Variants in ZNF425 observed in about 807,000 individuals in gnomAD.
ZNF425 encodes the protein zinc finger protein 425.
A neutral mutation model predicts 17.0 loss-of-function variants in ZNF425; 21 were observed. The ratio of observed to expected loss-of-function variants is 1.23; its 90% CI spans 0.88 to 1.78. The LOEUF (loss-of-function observed/expected upper bound fraction) is 1.78. Among genes scored for constraint, ZNF425 ranks in the 40% most tolerant of loss-of-function variants. The probability of loss-of-function intolerance (pLI) is 0.00; values close to 1 mark genes in which losing one functional copy is unlikely to be tolerated. For synonymous variants in ZNF425, 433 were observed against 384.1 expected, an observed-to-expected ratio of 1.13 and a Z score of -1.49; for missense variants, 868 against 967.3, an observed-to-expected ratio of 0.90 and a Z score of 1.36.
At chr7:149,111,705 A>C (rs1826180549) in intron 3 of ZNF425, among the ~76,000 whole-genome samples, 1 of 149,596 alleles carries the variant, frequency 6.7e-6, no homozygotes, top group Non-Finnish European at 1.5e-5. Flanking sequence ...TTTGAGATGG[A>C]GTCTCGCTCT....
Position 149,118,268 on chromosome 7 carries a change from C to T in ZNF425, c.99G>A (p.Met33Ile), listed in dbSNP as rs1363044103. ...AATTGGTCTTCATCTCTTGCTTATA[C>T]ATTTGCTTCTGCCACTTCTCCAGGA... ...WEILEKWQKQ[M>I]YKQEMKTNYE... The change falls in exon 2 of 4, where the codon ATG (methionine) becomes ATA (isoleucine). Residue 33 changes from methionine (M) to isoleucine (I), a missense_variant. Met to Ile is a conservative substitution (Grantham distance 10). Transcript: ENST00000378061. 1.2e-6 allele frequency: 2 copies of T among 1,614,034 alleles called. No individual in the cohort carries two copies. Among genetic ancestry groups the T allele is most frequent in the African/African-American group, 1.3e-5 (1 of 74,934 alleles).
At chr7:149,111,894 C>G (rs1217129332) in intron 3 of ZNF425, 2 of 272,166 alleles carry the variant, frequency 7.3e-6, no homozygotes, top group African/African-American at 4.5e-5. Context: ...GTTGGCCAGG[C>G]TGGTCTGGAA....
intron 1 of ZNF425, 89 bp downstream of exon 1, chr7:149,126,107 C>T: frequency 3.8e-6 from 6 of 1,598,080 alleles, no homozygotes; most frequent in Non-Finnish European, 5.1e-6. Context: ...AGGCCCCGGC[C>T]GCCCCACTCC....
intron 1 of ZNF425, among the ~76,000 whole-genome samples, chr7:149,122,123 G>C (rs189611959): frequency 3.7e-4 from 55 of 150,090 alleles, no homozygotes; most frequent in African/African-American, 1.3e-3. Flanking sequence ...AGTAGAGATG[G>C]GGTTTCACCA....
At chr7:149,109,422 G>A (rs1266185318) in intron 3 of ZNF425, among the ~76,000 whole-genome samples, 1 of 152,054 alleles carries the variant, frequency 6.6e-6, no homozygotes, top group East Asian at 1.9e-4. Flanking sequence ...TCCTGTCTTT[G>A]AGCTTCAGTT....
At position 149,105,550 on chromosome 7, in the gene ZNF425, G is replaced by A. The variant is rs1826066951; in HGVS notation, c.321C>T (p.Pro107=). Residue 107 remains proline, a synonymous_variant, in exon 4 of 4, where the codon CCC becomes CCT. Transcript: ENST00000378061. ...AACGGCAATCCTCTTCTTTTGTCCTGGGAGTTCCTTCGTCATCTGGAGCAG... is the reference window on the plus strand; with the variant it reads ...AACGGCAATCCTCTTCTTTTGTCCTAGGAGTTCCTTCGTCATCTGGAGCAG... The part of the protein sequence containing the change: ...KLLCFDDEGT[P]RTKEEDCRLN... 4 of 1,510,242 alleles carry A rather than the reference G, an allele frequency of 2.6e-6. No homozygotes were observed. Among genetic ancestry groups the A allele is most frequent in the Non-Finnish European group, 3.5e-6 (4 of 1,133,756 alleles). 93.6% of individuals were successfully genotyped at this position (1,510,242 alleles called of 1,614,324 possible).
intron 1 of ZNF425, among the ~76,000 whole-genome samples, chr7:149,125,395 C>A (rs962994305): frequency 6.6e-6 from 1 of 152,178 alleles, no homozygotes; most frequent in Non-Finnish European, 1.5e-5. Flanking sequence ...ACGGTAAATT[C>A]GATTTACGCT....
intron 3 of ZNF425, among the ~76,000 whole-genome samples, chr7:149,111,487 G>A (rs964728340): frequency 6.7e-6 from 1 of 148,602 alleles, no homozygotes; most frequent in African/African-American, 2.5e-5. Flanking sequence ...AGCTACTCTG[G>A]AGGCTGAGGA....
chr7:149,121,089 T>C (rs80277790), intron 1 of ZNF425, among the ~76,000 whole-genome samples: 74 of 5,250 alleles, frequency 0.014, no homozygotes, highest in South Asian at 0.083. Flanking sequence ...CTTTTTTTTT[T>C]TTTTTTTTTT....
Position 149,105,029 on chromosome 7 carries a change from T to G in ZNF425, c.842A>C (p.Lys281Thr), listed in dbSNP as rs145304363. ...CAGGTTGGCCCTGTACCGGAAGGTC[T>G]TGTCGCACTCAGGGCATGGGTAGGG... ...QRPYPCPECD[K>T]TFRYRANLKK... is the part of the protein sequence containing the mutation. Residue 281 changes from lysine to threonine, a missense_variant, in exon 4 of 4, where the codon AAG becomes ACG. Physicochemically the swap from Lys to Thr is moderately conservative, Grantham distance 78. Transcript: ENST00000378061. The G allele has an allele frequency of 5.3e-5, 85 of 1,614,088 alleles. No individual in the cohort carries two copies. Among genetic ancestry groups the G allele is most frequent in the Non-Finnish European group, 4.3e-5 (51 of 1,180,054 alleles).
intron 2 of ZNF425, among the ~76,000 whole-genome samples, chr7:149,116,502 T>C (rs1826269000): frequency 6.6e-6 from 1 of 152,150 alleles, no homozygotes; most frequent in Admixed American, 6.6e-5. Context: ...TCTGTCTTAA[T>C]TACTACCTAC....
At chr7:149,126,093 G>A (rs749253467) in intron 1 of ZNF425, 103 bp downstream of exon 1, 1 of 1,582,834 alleles carries the variant, frequency 6.3e-7, no homozygotes, top group East Asian at 2.3e-5. Flanking sequence ...CAACCCCCAG[G>A]CCCAGGCCCC....
chr7:149,108,707 C>T (rs1258193199), intron 3 of ZNF425, among the ~76,000 whole-genome samples: 1 of 152,072 alleles, frequency 6.6e-6, no homozygotes, highest in South Asian at 2.1e-4. Context: ...TCCTGGCTAA[C>T]ACGGTGAAAC....
intron 3 of ZNF425, among the ~76,000 whole-genome samples, chr7:149,107,908 C>T (rs1482184948): frequency 6.6e-6 from 1 of 150,520 alleles, no homozygotes; most frequent in Non-Finnish European, 1.5e-5. Flanking sequence ...TGTTGCTGCC[C>T]AGGCTAGAGT....
intron 3 of ZNF425, 30 bp downstream of exon 3, chr7:149,112,107 A>T: frequency 6.3e-7 from 1 of 1,597,108 alleles, no homozygotes; most frequent in Non-Finnish European, 8.5e-7. Flanking sequence ...AAAATAAAAT[A>T]ATTCATGATC....
intron 3 of ZNF425, among the ~76,000 whole-genome samples, chr7:149,106,792 C>T (rs1826087605): frequency 6.6e-6 from 1 of 152,050 alleles, no homozygotes; most frequent in Non-Finnish European, 1.5e-5. Flanking sequence ...TATACCATTA[C>T]ATCTATGAAA....
In ZNF425 at chr7:149,118,252, T is replaced by C. The variant is rs768569686; in HGVS notation, c.115A>G (p.Lys39Glu). 5.0e-6 allele frequency: 8 copies of C among 1,614,004 alleles called. No individual in the cohort carries two copies. The highest frequency in any genetic ancestry group is 1.7e-5 in the Admixed American group (1 of 59,968). Residue 39 changes from lysine (K) to glutamate (E), a missense_variant, in exon 2 of 4, where the codon AAG becomes GAG. Physicochemically the swap from Lys to Glu is moderately conservative, Grantham distance 56 (BLOSUM62 1). Transcript: ENST00000378061. ...WQKQMYKQEM[K>E]TNYETLDSLG... ...GAATCAAGGGTCTCGTAATTGGTCTTCATCTCTTGCTTATACATTTGCTTC... is the reference window on the plus strand; with the variant it reads ...GAATCAAGGGTCTCGTAATTGGTCTCCATCTCTTGCTTATACATTTGCTTC...
At position 149,117,642 on chromosome 7, in the gene ZNF425, C is replaced by CTTTTTTTTTT. The variant is rs869026303; in HGVS notation, c.145+570_145+579dup. ...GGGGCAATTAGATTACTTAGTAATT[C>CTTTTTTTTTT]TTTTTTTTTTTTTTTTTTTTTTTTT... On this transcript the variant is annotated intron_variant, in intron 2 of 3. Coordinates refer to ENST00000378061, the MANE Select transcript of ZNF425 (RefSeq NM_001001661.3). Among the ~76,000 whole-genome samples, 27 of 54,986 alleles carry CTTTTTTTTTT rather than the reference C, an allele frequency of 4.9e-4. 3 individuals carry two copies. The highest frequency in any genetic ancestry group is 2.3e-3 in the South Asian group (2 of 854). The allele number at this position is 54,986 out of a possible 152,430, so 36.1% of individuals were successfully genotyped here.
intron 1 of ZNF425, among the ~76,000 whole-genome samples, chr7:149,121,790 T>C (rs1049770365): frequency 2.0e-5 from 3 of 152,122 alleles, no homozygotes; most frequent in Non-Finnish European, 1.5e-5. Flanking sequence ...GATAGGTGTA[T>C]AGTGATCTCT....
Sources: allele counts gnomAD v4.1 joint callset (sites outside exome capture counted in the v4.1 genomes callset), GRCh38; gene constraint gnomAD v4.1.1; transcripts MANE v1.5; gene names NCBI Gene and HGNC (gene_info 2026-07-23, HGNC 2026-07-21).